Variants in NKTR observed in about 807,000 individuals in gnomAD.
NKTR encodes natural killer cell triggering receptor.
NKTR carries 67 observed loss-of-function variants against 156.3 expected under a neutral mutation model. The observed-to-expected ratio is 0.43, with a 90% CI of 0.35 to 0.53. The LOEUF (loss-of-function observed/expected upper bound fraction) is 0.53. Ranked by LOEUF, NKTR falls within the 20% of genes least tolerant of loss-of-function variation. The pLI is 0.01. For missense variants in NKTR, 1,604 were observed against 1,730.9 expected, an observed-to-expected ratio of 0.93 and a Z score of 1.30; for synonymous variants, 640 against 596.6, an observed-to-expected ratio of 1.07 and a Z score of -1.06.
chr3:42,633,781 C>A (rs1178146263), intron 10 of NKTR, 46 bp downstream of exon 10: 1 of 1,607,818 alleles, frequency 6.2e-7, no homozygotes, highest in East Asian at 2.2e-5. Flanking sequence ...TCCGATAACA[C>A]TGTTCCGTCA....
intron 6 of NKTR, among the ~76,000 whole-genome samples, chr3:42,626,208 T>C (rs1708373229): frequency 6.6e-6 from 1 of 152,014 alleles, no homozygotes; most frequent in African/African-American, 2.4e-5. Context: ...TCCACATTAT[T>C]TCAAACATTA....
chr3:42,643,296 C>T (rs1326718957), intron 14 of NKTR, 43 bp from the exon 15 acceptor site: 7 of 1,558,812 alleles, frequency 4.5e-6, no homozygotes, highest in Non-Finnish European at 6.2e-6. Context: ...GCCTGTCCTG[C>T]CCTGATCTAT....
intron 13 of NKTR, among the ~76,000 whole-genome samples, chr3:42,642,262 G>A (rs1359595555): frequency 6.6e-6 from 1 of 151,770 alleles, no homozygotes; most frequent in Non-Finnish European, 1.5e-5. Context: ...TATAAATCAG[G>A]CTTCTATGAA....
chr3:42,643,496 A>G (rs998438108), intron 15 of NKTR, 101 bp downstream of exon 15: 7 of 954,990 alleles, frequency 7.3e-6, no homozygotes, highest in Admixed American at 3.9e-5. Flanking sequence ...AACTAAATGC[A>G]TATATTTGTC....
In NKTR at chr3:42,646,169, A is replaced by G. The variant is rs1370576673; in HGVS notation, c.*194A>G. ...AGATATGTCTCCTAAAAATATTTTT[A>G]TGCCACATTTTACAGTAGCCAACTA... On this transcript the variant is annotated 3_prime_UTR_variant, in exon 17 of 17. Coordinates refer to ENST00000232978, the MANE Select transcript of NKTR (RefSeq NM_005385.4). The G allele has an allele frequency of 2.2e-6, 1 of 445,358 alleles. No homozygotes were observed. The allele number at this position is 445,358 out of a possible 1,614,324, so 27.6% of individuals were successfully genotyped here. A position where few individuals can be genotyped will look rare whatever the true frequency, so the allele number is the denominator to read the frequency against.
chr3:42,635,161 CA>C, intron 11 of NKTR, 59 bp from the exon 12 acceptor site: 5 of 1,382,338 alleles, frequency 3.6e-6, no homozygotes, highest in Non-Finnish European at 4.9e-6. Context: ...TTAACTCTGT[CA>C]CATAGCAGAC....
rs1710435446 is a variant in NKTR, at chr3:42,647,553, GA to G, written c.*1582del. ...TAAAACTATCACCCAAAGAAGGTAT[GA>G]AAACAGGGTAAGGTGGTCAGTTGTT... On this transcript the variant is annotated 3_prime_UTR_variant, in exon 17 of 17. Coordinates refer to ENST00000232978, the MANE Select transcript of NKTR (RefSeq NM_005385.4). 6.6e-6 allele frequency: 1 copy of G among 152,088 alleles called. No homozygotes were observed. The allele number at this position is 152,088 out of a possible 1,614,324, so 9.4% of individuals were successfully genotyped here. A position where few individuals can be genotyped will look rare whatever the true frequency, so the allele number is the denominator to read the frequency against.
intron 9 of NKTR, chr3:42,633,279 C>G: frequency 1.2e-6 from 1 of 838,380 alleles, no homozygotes; most frequent in Non-Finnish European, 1.5e-6. Context: ...TGTCCTCAAG[C>G]AATCCTCCCA....
Position 42,617,663 on chromosome 3 carries a change from C to T in NKTR, c.133+19C>T, listed in dbSNP as rs576728970. 15 of 1,382,108 alleles carry T rather than the reference C, an allele frequency of 1.1e-5. No homozygotes were observed. The highest frequency in any genetic ancestry group is 1.8e-4 in the Middle Eastern group (1 of 5,618). The allele number at this position is 1,382,108 out of a possible 1,614,324, so 85.6% of individuals were successfully genotyped here. The stretch of plus-strand genomic sequence containing the variant: ...TGCTCAGGTAAGTGAATTATTATTT[C>T]CAATGAGAAGCTGTGGCTTACAGTT... On this transcript the variant is annotated intron_variant, in intron 3 of 16. Coordinates refer to ENST00000232978, the MANE Select transcript of NKTR (RefSeq NM_005385.4).
At chr3:42,628,933 C>CAG in intron 6 of NKTR, 1 of 281,810 alleles carries the variant, frequency 3.5e-6, no homozygotes, top group Non-Finnish European at 5.4e-6. Context: ...ATCCGGGAGG[C>CAG]AGAGGTTGCA....
chr3:42,621,656 CTT>C, intron 6 of NKTR, 140 bp downstream of exon 6: 1 of 857,132 alleles, frequency 1.2e-6, no homozygotes, highest in South Asian at 1.9e-5. Flanking sequence ...ATCATAGTAA[CTT>C]ATAAGGTCTA....
chr3:42,606,675 A>AT (rs894086541), intron 2 of NKTR, among the ~76,000 whole-genome samples: 1 of 152,114 alleles, frequency 6.6e-6, no homozygotes, highest in Non-Finnish European at 1.5e-5. Flanking sequence ...ACTTTTTAAC[A>AT]TTTTTTAATA....
intron 16 of NKTR, among the ~76,000 whole-genome samples, chr3:42,644,509 C>T (rs383937): frequency 0.25 from 38,645 of 151,998 alleles, 5,420 homozygotes; most frequent in East Asian, 0.47. Context: ...AACTTTTGTA[C>T]TGTCCTTTTC....
Position 42,635,321 on chromosome 3 carries a change from G to A in NKTR, c.1118G>A (p.Arg373Lys). 6.2e-7 allele frequency: 1 copy of A among 1,613,524 alleles called. No individual in the cohort carries two copies. Among genetic ancestry groups the A allele is most frequent in the Admixed American group, 1.7e-5 (1 of 59,964 alleles). Reference sequence around the variant, plus strand: ...TGGAAAGAGGAAATGCAGAGATTAAGAGCATATAGACCACCTAGTGGAGAA... The same window carrying A: ...TGGAAAGAGGAAATGCAGAGATTAAAAGCATATAGACCACCTAGTGGAGAA... ...PHWKEEMQRL[R>K]AYRPPSGEKW... The change falls in exon 12 of 17, where the codon AGA (arginine) becomes AAA (lysine). Residue 373 changes from arginine (R) to lysine (K), a missense_variant. Physicochemically the swap from Arg to Lys is conservative, Grantham distance 26. Transcript: ENST00000232978.
intron 12 of NKTR, among the ~76,000 whole-genome samples, chr3:42,635,912 A>G (rs879653528): frequency 1.4e-4 from 21 of 152,176 alleles, no homozygotes; most frequent in Non-Finnish European, 2.5e-4. Context: ...CGTCTCAAAA[A>G]AAAAAAAAAA....
chr3:42,609,365 A>G (rs77424663), intron 2 of NKTR, among the ~76,000 whole-genome samples: 4,956 of 152,328 alleles, frequency 0.033, 130 homozygotes, highest in East Asian at 0.11. Flanking sequence ...AAGTAGCAGA[A>G]TATCTTTATT....
At position 42,634,598 on chromosome 3, in the gene NKTR, A is replaced by C; in HGVS notation, c.930-15A>C. 7.0e-7 allele frequency: 1 copy of C among 1,438,418 alleles called. No homozygotes were observed. The allele number at this position is 1,438,418 out of a possible 1,614,324, so 89.1% of individuals were successfully genotyped here. A position where few individuals can be genotyped will look rare whatever the true frequency, so the allele number is the denominator to read the frequency against. On this transcript the variant is annotated splice_polypyrimidine_tract_variant and intron_variant, in intron 10 of 16. Transcript: ENST00000232978. ...TTGCTTATTTTTAATTTTCATCACA[A>C]TCTTCTTTTCCTAGGAAGATTCCTG...
rs377113393 is a variant in NKTR at position 42,609,214 on chromosome 3, A to G, written c.58+8150A>G. On this transcript the variant is annotated intron_variant, in intron 2 of 16. Coordinates refer to ENST00000232978, the MANE Select transcript of NKTR (RefSeq NM_005385.4). ...TTAGAAAATTACAAGTTTTAGGAGCACTGTGCTAGAAACTGGGGACAGAGG... is the reference window on the plus strand; with the variant it reads ...TTAGAAAATTACAAGTTTTAGGAGCGCTGTGCTAGAAACTGGGGACAGAGG... 2.7e-5 allele frequency among the ~76,000 whole-genome samples: 4 copies of G among 150,606 alleles called. No individual in the cohort carries two copies. In the East Asian group the frequency reaches 5.8e-4, roughly 22 times the overall value.
intron 6 of NKTR, 111 bp from the exon 7 acceptor site, chr3:42,630,435 C>A: frequency 6.4e-7 from 1 of 1,556,420 alleles, no homozygotes; most frequent in Non-Finnish European, 8.7e-7. Flanking sequence ...TTTCCCCTAT[C>A]TTTTTATCTT....
Sources: allele counts gnomAD v4.1 joint callset (sites outside exome capture counted in the v4.1 genomes callset), GRCh38; gene constraint gnomAD v4.1.1; transcripts MANE v1.5; gene names NCBI Gene and HGNC (gene_info 2026-07-23, HGNC 2026-07-21).